The following PDXK variants were observed in gnomAD, a reference collection of about 807,000 sequenced individuals.
PDXK encodes epididymis secretory sperm binding protein Li 1a.
PDXK carries 15 observed loss-of-function variants against 43.2 expected under a neutral mutation model. That is an observed-to-expected ratio of 0.35 (90% confidence interval 0.23 to 0.53). The LOEUF is 0.53. Ranked by LOEUF, PDXK falls within the 20% of genes least tolerant of loss-of-function variation. PDXK has a pLI of 0.92. For missense variants in PDXK, 343 were observed against 417.0 expected (o/e 0.82, Z 1.54); for synonymous variants, 172 against 165.4 (o/e 1.04, Z -0.31).
At position 43,757,869 on chromosome 21, in the gene PDXK, G is replaced by C. The variant is rs2083877251; in HGVS notation, c.*1806G>C. On this transcript the variant is annotated 3_prime_UTR_variant, in exon 11 of 11. Coordinates refer to ENST00000291565, the MANE Select transcript of PDXK (RefSeq NM_003681.5). ...GCGGCCTCCCCAGTATGTGAGTGCAGGGATCTGCCAGAACCACCTGGCCCT... is the reference window on the plus strand; with the variant it reads ...GCGGCCTCCCCAGTATGTGAGTGCACGGATCTGCCAGAACCACCTGGCCCT... 1 of 152,260 alleles carries C rather than the reference G, an allele frequency of 6.6e-6. No individual in the cohort carries two copies. Among genetic ancestry groups the C allele is most frequent in the Non-Finnish European group, 1.5e-5 (1 of 68,076 alleles). 9.4% of individuals were successfully genotyped at this position (152,260 alleles called of 1,614,324 possible). A position where few individuals can be genotyped will look rare whatever the true frequency, so the allele number is the denominator to read the frequency against.
At chr21:43,750,962 A>ATATGTGTGTGTGTGTG (rs36141783) in intron 7 of PDXK, among the ~76,000 whole-genome samples, 36 of 150,736 alleles carry the variant, frequency 2.4e-4, no homozygotes, top group African/African-American at 8.1e-4. Context: ...ATGTGTGTGC[A>ATATGTGTGTGTGTGTG]TGTGTGTGTG....
At position 43,756,014 on chromosome 21, in the gene PDXK, A is replaced by G. The variant is rs1046975949; in HGVS notation, c.890A>G (p.Lys297Arg). 2 of 1,613,450 alleles carry G rather than the reference A, an allele frequency of 1.2e-6. No homozygotes were observed. Among genetic ancestry groups the G allele is most frequent in the Non-Finnish European group, 1.7e-6 (2 of 1,179,802 alleles). The change falls in exon 11 of 11, where the codon AAA becomes AGA. Residue 297 changes from lysine to arginine, a missense_variant. Transcript: ENST00000291565. Reference sequence around the variant, plus strand: ...CTGGAGCTGCGGATGGTGCAGAGCAAAAGGGACATCGAGGACCCAGAGATC... The same window carrying G: ...CTGGAGCTGCGGATGGTGCAGAGCAGAAGGGACATCGAGGACCCAGAGATC... Reference protein sequence around the residue: ...MQLELRMVQSKRDIEDPEIVV... With the variant: ...MQLELRMVQSRRDIEDPEIVV...
chr21:43,745,779 T>G, intron 4 of PDXK: 1 of 375,094 alleles, frequency 2.7e-6, no homozygotes, highest in Non-Finnish European at 4.9e-6. Flanking sequence ...AGAGGATCGC[T>G]TAAGCCTAGG....
chr21:43,742,402 G>C (rs1004704340), intron 3 of PDXK, among the ~76,000 whole-genome samples: 2 of 152,098 alleles, frequency 1.3e-5, no homozygotes, highest in African/African-American at 2.4e-5. Flanking sequence ...GGCTGGTCTT[G>C]AACTCCTAGG....
In PDXK at chr21:43,741,678, T is replaced by C; in HGVS notation, c.154T>C (p.Trp52Arg). The C allele has an allele frequency of 6.2e-7, 1 of 1,612,574 alleles. No homozygotes were observed. The highest frequency in any genetic ancestry group is 8.5e-7 in the Non-Finnish European group (1 of 1,178,898). ...TCCTCTGCCTCTAGGCTATGCCCAC[T>C]GGAAGGGCCAAGTGCTGAATTCAGA... Reference protein sequence around the residue: ...QFSNHTGYAHWKGQVLNSDEL... With the variant: ...QFSNHTGYAHRKGQVLNSDEL... The change falls in exon 3 of 11, where the codon TGG becomes CGG. Residue 52 changes from tryptophan (W) to arginine (R), a missense_variant. By Grantham distance (101) the Trp-to-Arg change is moderately radical. Coordinates refer to ENST00000291565, the MANE Select transcript of PDXK (RefSeq NM_003681.5).
At chr21:43,748,165 G>A (rs1049978794) in intron 5 of PDXK, among the ~76,000 whole-genome samples, 2 of 152,216 alleles carry the variant, frequency 1.3e-5, no homozygotes, top group African/African-American at 2.4e-5. Flanking sequence ...CCAGAGCTTC[G>A]CACTGCCTCC....
chr21:43,756,093 C>A lies in PDXK; in HGVS notation c.*30C>A. The A allele has an allele frequency of 7.9e-7, 1 of 1,261,920 alleles. No individual in the cohort carries two copies. Among genetic ancestry groups the A allele is most frequent in the Non-Finnish European group, 1.1e-6 (1 of 869,656 alleles). 78.2% of individuals were successfully genotyped at this position (1,261,920 alleles called of 1,614,324 possible). The stretch of plus-strand genomic sequence containing the variant: ...CCCGCCGCTTGCCCGTGACACGCAG[C>A]GCGTTGGTGTCTCCGTGTTTGTCCC... On this transcript the variant is annotated 3_prime_UTR_variant, in exon 11 of 11. Coordinates refer to ENST00000291565, the MANE Select transcript of PDXK (RefSeq NM_003681.5).
chr21:43,726,765 GGTGCATGTGTGTGTGTGTATGTGGGT>G (rs1299682456), intron 1 of PDXK, among the ~76,000 whole-genome samples: 1 of 152,074 alleles, frequency 6.6e-6, no homozygotes, highest in South Asian at 2.1e-4. Context: ...AGCCCACATC[GGTGCATGTGTGTGTGTGTATGTGGGT>G]GTGCATGTGT....
intron 1 of PDXK, among the ~76,000 whole-genome samples, chr21:43,729,348 T>G (rs76749315): frequency 0.044 from 6,766 of 152,300 alleles, 520 homozygotes; most frequent in African/African-American, 0.15. Context: ...GTAGGCACGG[T>G]TGCAGCAGGG....
intron 1 of PDXK, among the ~76,000 whole-genome samples, chr21:43,725,546 A>T: frequency 6.6e-6 from 1 of 152,050 alleles, no homozygotes; most frequent in East Asian, 1.9e-4. Flanking sequence ...ACGGTGGCTC[A>T]CGCCTATAAT....
intron 2 of PDXK, chr21:43,738,305 G>A (rs2083438060): frequency 6.5e-6 from 1 of 152,850 alleles, no homozygotes; most frequent in Non-Finnish European, 1.5e-5. Flanking sequence ...CCGTCTGCAA[G>A]CCCAGGGCAG....
chr21:43,739,108 G>C (rs1256492055), intron 2 of PDXK, among the ~76,000 whole-genome samples: 2 of 151,822 alleles, frequency 1.3e-5, no homozygotes, highest in Non-Finnish European at 2.9e-5. Flanking sequence ...TAATTTTTTT[G>C]TATTTTTAGT....
At chr21:43,753,515 G>A (rs1422188909) in intron 8 of PDXK, 68 bp from the exon 9 acceptor site, 5 of 1,537,086 alleles carry the variant, frequency 3.3e-6, no homozygotes, top group Non-Finnish European at 4.4e-6. Flanking sequence ...AGGAGGATCA[G>A]GGATGGGAGG....
chr21:43,750,911 C>T (rs925066256), intron 7 of PDXK, among the ~76,000 whole-genome samples: 2 of 64,564 alleles, frequency 3.1e-5, no homozygotes, highest in African/African-American at 1.0e-4. Flanking sequence ...GGTGTGCACG[C>T]ATGTGTGCAT....
chr21:43,734,903 C>T lies in PDXK; in HGVS notation c.142+780C>T, dbSNP rs1221060327. Among the ~76,000 whole-genome samples, 3 of 152,236 alleles carry T rather than the reference C, an allele frequency of 2.0e-5. No individual in the cohort carries two copies. The highest frequency in any genetic ancestry group is 2.0e-4 in the Admixed American group (3 of 15,290). On this transcript the variant is annotated intron_variant, in intron 2 of 10. Transcript: ENST00000291565. The surrounding 1 kb of genome is among the most constrained non-coding windows in gnomAD (Gnocchi z 5.0). ...CTGAACCCAGGCGGAACCTTGGGAG[C>T]ACAGAACGTCCCAGAAACAGCCTGG...
chr21:43,719,678 T>C, intron 1 of PDXK: 2 of 985,358 alleles, frequency 2.0e-6, no homozygotes, highest in Non-Finnish European at 2.4e-6. Flanking sequence ...CCTCGCCCCT[T>C]CCCGCCGACC....
chr21:43,742,739 C>A (rs1195925816), intron 3 of PDXK, among the ~76,000 whole-genome samples: 4 of 152,022 alleles, frequency 2.6e-5, no homozygotes, highest in Non-Finnish European at 5.9e-5. Context: ...AATTAATTAG[C>A]TGGGCACAGT....
At chr21:43,722,860 C>T (rs544572757) in intron 1 of PDXK, among the ~76,000 whole-genome samples, 3 of 152,254 alleles carry the variant, frequency 2.0e-5, no homozygotes, top group Admixed American at 6.5e-5. Flanking sequence ...TTTTTTGAGA[C>T]GGAGTCTTGC....
intron 3 of PDXK, 109 bp downstream of exon 3, chr21:43,741,880 C>A: frequency 1.4e-6 from 1 of 734,216 alleles, no homozygotes; most frequent in East Asian, 2.6e-5. Flanking sequence ...GGGTCCCTGC[C>A]CCTTCAAGGA....
Sources: gnomAD v4.1 joint callset for allele counts (sites outside exome capture counted in the v4.1 genomes callset) on GRCh38, gnomAD v4.1.1 for gene constraint, Gnocchi (gnomAD v3.1) non-coding constraint, MANE v1.5 for transcripts, NCBI Gene and HGNC (gene_info 2026-07-23, HGNC 2026-07-21) for gene names.